SSC5D: variants seen among roughly 807,000 people sequenced by gnomAD.
SSC5D encodes soluble scavenger receptor cysteine-rich domain-containing protein SSC5D.
Under a neutral mutation model 104.6 loss-of-function variants are expected in SSC5D, and 106 were observed. The ratio of observed to expected loss-of-function variants is 1.01; its 90% CI spans 0.87 to 1.19. SSC5D has a LOEUF of 1.19. Ranked by LOEUF, SSC5D falls within the 50% of genes most tolerant of loss-of-function variation. SSC5D has a pLI of 0.00. For missense variants in SSC5D, 1,993 were observed against 2,153.8 expected (o/e 0.93, Z 1.48); for synonymous variants, 860 against 883.5 (o/e 0.97, Z 0.47).
Position 55,513,036 on chromosome 19 carries a change from C to T in SSC5D, c.2811C>T (p.Pro937=). 6.4e-7 allele frequency: 1 copy of T among 1,552,058 alleles called. No individual in the cohort carries two copies. The change falls in exon 13 of 14, where the codon CCC becomes CCT. Residue 937 remains proline, a synonymous_variant. Transcript: ENST00000389623. ...DTGSKDGYKL[P]WTWDTPSGRG... Reference sequence around the variant, plus strand: ...GCAGCAAAGATGGTTACAAGCTTCCCTGGACGTGGGACACACCATCAGGAA... The same window carrying T: ...GCAGCAAAGATGGTTACAAGCTTCCTTGGACGTGGGACACACCATCAGGAA...
rs978187782 is a variant in SSC5D, at chr19:55,518,235, C to G, written c.3959C>G (p.Thr1320Ser). ...TACCCCACCACTACTCCTGATCCCA[C>G]CACGACCCCTCACCCCACAACTCCT... Reference protein sequence around the residue: ...TPYPTTTPDPTTTPHPTTPDP... With the variant: ...TPYPTTTPDPSTTPHPTTPDP... Residue 1320 changes from threonine (T) to serine (S), a missense_variant, in exon 14 of 14, where the codon ACC becomes AGC. Transcript: ENST00000389623. 11 of 1,478,336 alleles carry G rather than the reference C, an allele frequency of 7.4e-6. No individual in the cohort carries two copies. In the African/African-American group the frequency reaches 1.8e-4, roughly 24 times the overall value. The allele number at this position is 1,478,336 out of a possible 1,614,324, so 91.6% of individuals were successfully genotyped here.
At position 55,503,295 on chromosome 19, in the gene SSC5D, C is replaced by T. The variant is rs539776309; in HGVS notation, c.2785+2094C>T. ...TCACTTTCAGTTCTCAGCTTCGCCA[C>T]CTGCTTCTCACTCGATTTTTCACGG... On this transcript the variant is annotated intron_variant, in intron 12 of 13. Transcript: ENST00000389623. This position sits in a 1 kb window ranked among gnomAD's most constrained non-coding sequence, Gnocchi z 4.0. Among the ~76,000 whole-genome samples, 10 of 152,300 alleles carry T rather than the reference C, an allele frequency of 6.6e-5. No individual in the cohort carries two copies. In the East Asian group the frequency reaches 1.9e-3, roughly 29 times the overall value.
rs1987258828 is a variant in SSC5D, at chr19:55,494,634, C to T, written c.1238C>T (p.Pro413Leu). Residue 413 changes from proline to leucine, a missense_variant, in exon 8 of 14, where the codon CCC becomes CTC. By Grantham distance (98) the Pro-to-Leu change is moderately conservative. Around this residue, in one of 6 missense-constraint regions of SSC5D, gnomAD observed 1,101 missense variants for 1,085.0 expected, o/e 1.01. Transcript: ENST00000389623. Reference protein sequence around the residue: ...CDGMPLGYVPPTAPTDSNNST... With the variant: ...CDGMPLGYVPLTAPTDSNNST... Reference sequence around the variant, plus strand: ...GGCATGCCCCTGGGCTACGTCCCTCCCACGGCCCCCACGGACAGCAACAAC... The same window carrying T: ...GGCATGCCCCTGGGCTACGTCCCTCTCACGGCCCCCACGGACAGCAACAAC... The T allele has an allele frequency of 2.6e-6, 4 of 1,543,070 alleles. No individual in the cohort carries two copies. The highest frequency in any genetic ancestry group is 3.5e-6 in the Non-Finnish European group (4 of 1,142,148).
Position 55,517,495 on chromosome 19 carries a change from C to A in SSC5D, c.3219C>A (p.Thr1073=). The part of the protein sequence containing the change: ...ILTSPDFALS[T]PDSSVVPALT... ...CAAGCCCTGACTTTGCTTTGTCCAC[C>A]CCTGACTCCAGTGTGGTTCCCGCGT... The change falls in exon 14 of 14, where the codon ACC becomes ACA. Residue 1073 remains threonine (T), a synonymous_variant. Transcript: ENST00000389623. 6.4e-7 allele frequency: 1 copy of A among 1,551,406 alleles called. No homozygotes were observed.
Position 55,493,762 on chromosome 19 carries a change from G to A in SSC5D, c.1063G>A (p.Gly355Arg), listed in dbSNP as rs1460112909. ...CTGCGGAGGGGCGCTGGCCGCCCCC[G>A]GGGGCGCCTTCTTTGGGGAGGGGTC... ...LGCGGALAAP[G>R]GAFFGEGSGP... Residue 355 changes from glycine (G) to arginine (R), a missense_variant, in exon 7 of 14, where the codon GGG becomes AGG. By Grantham distance (125) the Gly-to-Arg change is moderately radical. Coordinates refer to ENST00000389623, the MANE Select transcript of SSC5D (RefSeq NM_001144950.2). 6 of 1,528,518 alleles carry A rather than the reference G, an allele frequency of 3.9e-6. No homozygotes were observed. Among genetic ancestry groups the A allele is most frequent in the East Asian group, 2.5e-5 (1 of 39,904 alleles). 94.7% of individuals were successfully genotyped at this position (1,528,518 alleles called of 1,614,324 possible).
At chr19:55,509,584 C>T (rs552019024) in intron 12 of SSC5D, among the ~76,000 whole-genome samples, 6 of 146,498 alleles carry the variant, frequency 4.1e-5, no homozygotes, top group Non-Finnish European at 7.5e-5. Flanking sequence ...TTTTCCAAGA[C>T]GGAGTCTCAC....
rs376765215 is a variant in SSC5D, at chr19:55,493,797, C to G, written c.1098C>G (p.Ile366Met). The change falls in exon 7 of 14, where the codon ATC (isoleucine) becomes ATG (methionine). Residue 366 changes from isoleucine to methionine, a missense_variant. Transcript: ENST00000389623. The part of the protein sequence containing the change: ...GAFFGEGSGP[I>M]ILDDLRCRGN... ...TCTTTGGGGAGGGGTCTGGACCCAT[C>G]ATCCTGGACGACCTTCGGTGTCGGG... The G allele has an allele frequency of 6.7e-5, 104 of 1,548,706 alleles. No homozygotes were observed. The East Asian group carries it at 2.4e-3, about 36-fold the overall frequency.
Position 55,488,508 on chromosome 19 carries a change from T to G in SSC5D, c.-82T>G. The G allele has an allele frequency of 3.2e-6, 4 of 1,259,810 alleles. No individual in the cohort carries two copies. Among genetic ancestry groups the G allele is most frequent in the Non-Finnish European group, 4.5e-6 (4 of 889,770 alleles). The allele number at this position is 1,259,810 out of a possible 1,614,324, so 78.0% of individuals were successfully genotyped here. A position where few individuals can be genotyped will look rare whatever the true frequency, so the allele number is the denominator to read the frequency against. ...CGCCTCCAGCAGGCACTTCCCTCCC[T>G]CCCTCTCTCCCCAGCTGCCTCCTCC... On this transcript the variant is annotated 5_prime_UTR_variant, in exon 1 of 14. Transcript: ENST00000389623.
intron 12 of SSC5D, among the ~76,000 whole-genome samples, chr19:55,502,404 CCTGT>C (rs1987528749): frequency 6.6e-6 from 1 of 150,930 alleles, no homozygotes; most frequent in Non-Finnish European, 1.5e-5. Context: ...TTTCTTTTTC[CCTGT>C]CTTTCTTTTT....
At position 55,490,299 on chromosome 19, in the gene SSC5D, C is replaced by T. The variant is rs1987100282; in HGVS notation, c.477C>T (p.Ala159=). The T allele has an allele frequency of 7.0e-6, 7 of 1,005,460 alleles. No homozygotes were observed. The highest frequency in any genetic ancestry group is 1.6e-5 in the African/African-American group (1 of 62,888). 62.3% of individuals were successfully genotyped at this position (1,005,460 alleles called of 1,614,324 possible). ...PSTEEPLVTH[A]PRPAGNPQNA... ...ACCCCTGGCTGTCTCCACTCCCAGC[C>T]CCCCGCCCAGCTGGGAACCCCCAGA... The change falls in exon 5 of 14, where the codon GCC becomes GCT. Residue 159 remains alanine, a splice_region_variant and synonymous_variant. Transcript: ENST00000389623.
Position 55,519,043 on chromosome 19 carries a change from AAAC to A in SSC5D, c.*48_*50del. 2 of 1,503,330 alleles carry A rather than the reference AAAC, an allele frequency of 1.3e-6. No individual in the cohort carries two copies. Among genetic ancestry groups the A allele is most frequent in the South Asian group, 1.3e-5 (1 of 77,794 alleles). The allele number at this position is 1,503,330 out of a possible 1,614,324, so 93.1% of individuals were successfully genotyped here. On this transcript the variant is annotated 3_prime_UTR_variant, in exon 14 of 14. Coordinates refer to ENST00000389623, the MANE Select transcript of SSC5D (RefSeq NM_001144950.2). Reference sequence around the variant, plus strand: ...GGCTTAAGACACCCCCAACCAAAAAAAACAAAAACAAAAAAAACCCCCAAAGTA... The same window carrying A: ...GGCTTAAGACACCCCCAACCAAAAAAAAAAACAAAAAAAACCCCCAAAGTA...
rs372766662 is a variant in SSC5D at position 55,490,999 on chromosome 19, C to G, written c.814C>G (p.Gln272Glu). ...MDDVGCGGGE[Q>E]ALRDCPRSPW... Reference sequence around the variant, plus strand: ...CGATGTGGGGTGTGGAGGAGGAGAACAGGCCCTCCGAGACTGCCCCCGAAG... The same window carrying G: ...CGATGTGGGGTGTGGAGGAGGAGAAGAGGCCCTCCGAGACTGCCCCCGAAG... The change falls in exon 6 of 14, where the codon CAG (glutamine) becomes GAG (glutamate). Residue 272 changes from glutamine to glutamate, a missense_variant. Gln to Glu is a conservative substitution (Grantham distance 29). Around this residue, in one of 6 missense-constraint regions of SSC5D, gnomAD observed 1,101 missense variants for 1,085.0 expected, o/e 1.01. Coordinates refer to ENST00000389623, the MANE Select transcript of SSC5D (RefSeq NM_001144950.2). The G allele has an allele frequency of 1.9e-6, 3 of 1,549,556 alleles. No individual in the cohort carries two copies. The highest frequency in any genetic ancestry group is 3.9e-5 in the Admixed American group (2 of 50,830).
In SSC5D at chr19:55,490,053, G is replaced by A. The variant is rs757081820; in HGVS notation, c.475+58G>A. 9 of 228,364 alleles carry A rather than the reference G, an allele frequency of 3.9e-5. 1 individual carries two copies. The highest frequency in any genetic ancestry group is 3.5e-4 in the East Asian group (5 of 14,172). 14.1% of individuals were successfully genotyped at this position (228,364 alleles called of 1,614,324 possible). On this transcript the variant is annotated intron_variant, in intron 4 of 13. Coordinates refer to ENST00000389623, the MANE Select transcript of SSC5D (RefSeq NM_001144950.2). Reference sequence around the variant, plus strand: ...CCCAGCGTGCCCTCCTGCCCCCCCCGAGGGGAGAGGGACTGCCCTGCCAAC... The same window carrying A: ...CCCAGCGTGCCCTCCTGCCCCCCCCAAGGGGAGAGGGACTGCCCTGCCAAC...
intron 7 of SSC5D, among the ~76,000 whole-genome samples, 196 bp from the exon 8 acceptor site, chr19:55,494,414 C>T (rs530762475): frequency 1.4e-4 from 21 of 152,262 alleles, no homozygotes; most frequent in Middle Eastern, 3.4e-3. Flanking sequence ...TCTCTGTTCC[C>T]GTGCTCCGCA....
Position 55,500,913 on chromosome 19 carries a change from A to C in SSC5D, c.2617+109A>C. 1 of 1,308,934 alleles carries C rather than the reference A, an allele frequency of 7.6e-7. No homozygotes were observed. The highest frequency in any genetic ancestry group is 1.0e-6 in the Non-Finnish European group (1 of 952,608). The allele number at this position is 1,308,934 out of a possible 1,614,324, so 81.1% of individuals were successfully genotyped here. A position where few individuals can be genotyped will look rare whatever the true frequency, so the allele number is the denominator to read the frequency against. ...GGTCGACTCTAAAGAACTGGGTATGAGGGGTCGGGGTGGGGAGATCCCAGA... is the reference window on the plus strand; with the variant it reads ...GGTCGACTCTAAAGAACTGGGTATGCGGGGTCGGGGTGGGGAGATCCCAGA... On this transcript the variant is annotated intron_variant, in intron 11 of 13. Coordinates refer to ENST00000389623, the MANE Select transcript of SSC5D (RefSeq NM_001144950.2). The surrounding 1 kb of genome is among the most constrained non-coding windows in gnomAD (Gnocchi z 4.6).
Position 55,518,836 on chromosome 19 carries a change from C to T in SSC5D, c.4560C>T (p.Ala1520=), listed in dbSNP as rs1218246031. ...VVEQERQERQ[A]LLLGLTQLVE... is the part of the protein sequence containing the mutation. Reference sequence around the variant, plus strand: ...AACAGGAGCGGCAGGAGCGCCAAGCCCTGCTGCTGGGGCTGACGCAGCTGG... The same window carrying T: ...AACAGGAGCGGCAGGAGCGCCAAGCTCTGCTGCTGGGGCTGACGCAGCTGG... The change falls in exon 14 of 14, where the codon GCC becomes GCT. Residue 1520 remains alanine, a synonymous_variant. Transcript: ENST00000389623. 3.9e-6 allele frequency: 6 copies of T among 1,550,346 alleles called. No individual in the cohort carries two copies. In the South Asian group the frequency reaches 5.9e-5, roughly 15 times the overall value.
Position 55,518,617 on chromosome 19 carries a change from C to T in SSC5D, c.4341C>T (p.His1447=). The change falls in exon 14 of 14, where the codon CAC becomes CAT. Residue 1447 remains histidine (H), a synonymous_variant. Transcript: ENST00000389623. ...SPDPLLSPTA[H]PLDHPPLDPL... is the part of the protein sequence containing the mutation. ...ACCCCCTCCTTTCCCCCACAGCCCA[C>T]CCCTTGGATCATCCTCCCCTTGACC... 1.3e-6 allele frequency: 2 copies of T among 1,529,336 alleles called. No individual in the cohort carries two copies. The highest frequency in any genetic ancestry group is 1.8e-6 in the Non-Finnish European group (2 of 1,136,100). 94.7% of individuals were successfully genotyped at this position (1,529,336 alleles called of 1,614,324 possible).
In SSC5D at chr19:55,519,013, T is replaced by G; in HGVS notation, c.*15T>G. The G allele has an allele frequency of 3.2e-6, 5 of 1,549,638 alleles. No individual in the cohort carries two copies. The highest frequency in any genetic ancestry group is 3.5e-6 in the Non-Finnish European group (4 of 1,146,612). ...GAGACGTGTGACCCTCTCCAGGATT[T>G]GAGGGGCTTAAGACACCCCCAACCA... On this transcript the variant is annotated 3_prime_UTR_variant, in exon 14 of 14. Coordinates refer to ENST00000389623, the MANE Select transcript of SSC5D (RefSeq NM_001144950.2).
At position 55,503,353 on chromosome 19, in the gene SSC5D, G is replaced by A. The variant is rs1026111330; in HGVS notation, c.2785+2152G>A. 3.9e-5 allele frequency among the ~76,000 whole-genome samples: 6 copies of A among 151,998 alleles called. No individual in the cohort carries two copies. The highest frequency in any genetic ancestry group is 1.5e-4 in the African/African-American group (6 of 41,374). On this transcript the variant is annotated intron_variant, in intron 12 of 13. Transcript: ENST00000389623. The surrounding 1 kb of genome is among the most constrained non-coding windows in gnomAD (Gnocchi z 4.0). Reference sequence around the variant, plus strand: ...TGCTATATCACCTCATACTCTCATCGTCTCCATTTCTCACTGCGTTCTCTC... The same window carrying A: ...TGCTATATCACCTCATACTCTCATCATCTCCATTTCTCACTGCGTTCTCTC...
Sources: allele counts gnomAD v4.1 joint callset (sites outside exome capture counted in the v4.1 genomes callset), GRCh38; gene constraint gnomAD v4.1.1; regional missense constraint gnomAD v4.1.1; non-coding constraint Gnocchi (gnomAD v3.1); transcripts MANE v1.5; gene names NCBI Gene and HGNC (gene_info 2026-07-23, HGNC 2026-07-21).